The following GIGYF2 variants were observed in gnomAD, a reference collection of about 807,000 sequenced individuals.
The protein encoded by GIGYF2 is GRB10 interacting GYF protein 2.
In GIGYF2, 25 loss-of-function variants were observed where a neutral mutation model predicts 208.1. The ratio of observed to expected loss-of-function variants is 0.12; its 90% CI spans 0.09 to 0.17. The LOEUF (loss-of-function observed/expected upper bound fraction) is 0.17, where lower values mean the gene tolerates loss of function less well. Ranked by LOEUF, GIGYF2 falls within the 10% of genes least tolerant of loss-of-function variation. The pLI, the probability that GIGYF2 is intolerant of heterozygous loss-of-function variation, is 1.00. For synonymous variants in GIGYF2, 534 were observed against 543.8 expected (o/e 0.98, Z 0.25); for missense variants, 1,302 against 1,579.4 (o/e 0.82, Z 2.98).
In GIGYF2 at chr2:232,794,610, G is replaced by A. The variant is rs987111651; in HGVS notation, c.1283-138G>A. ...GGAAGGAATATTACGTTTCTCCATA[G>A]AAGTAGCTTCACTGTTCATGACAGG... On this transcript the variant is annotated intron_variant, in intron 12 of 28. Transcript: ENST00000373563. 4.5e-5 allele frequency: 33 copies of A among 737,856 alleles called. No individual in the cohort carries two copies. In the African/African-American group the frequency reaches 5.2e-4, roughly 12 times the overall value. The allele number at this position is 737,856 out of a possible 1,614,324, so 45.7% of individuals were successfully genotyped here.
chr2:232,795,051 C>A, intron 13 of GIGYF2, 107 bp downstream of exon 13: 3 of 805,934 alleles, frequency 3.7e-6, no homozygotes, highest in South Asian at 2.7e-5. Flanking sequence ...ATTTTAAGTA[C>A]TGGAAAAACT....
intron 8 of GIGYF2, among the ~76,000 whole-genome samples, chr2:232,773,866 G>A (rs576730305): frequency 7.1e-6 from 1 of 140,890 alleles, no homozygotes; most frequent in Non-Finnish European, 1.5e-5. Context: ...GAGTCCAGGA[G>A]TTAGAGACCA....
At chr2:232,737,799 G>A (rs1197435911) in intron 3 of GIGYF2, among the ~76,000 whole-genome samples, 1 of 151,886 alleles carries the variant, frequency 6.6e-6, no homozygotes, top group Non-Finnish European at 1.5e-5. Flanking sequence ...TGTTCAATAA[G>A]GGATACTTAA....
At chr2:232,797,409 C>T (rs1229427921) in intron 14 of GIGYF2, among the ~76,000 whole-genome samples, 1 of 151,628 alleles carries the variant, frequency 6.6e-6, no homozygotes, top group Admixed American at 6.6e-5. Flanking sequence ...GCCTATTCTC[C>T]TTCACAGCAT....
At chr2:232,744,942 G>C (rs1698094751) in intron 3 of GIGYF2, among the ~76,000 whole-genome samples, 1 of 152,080 alleles carries the variant, frequency 6.6e-6, no homozygotes, top group Non-Finnish European at 1.5e-5. Flanking sequence ...TGTTATGTTT[G>C]GGTTGTTGTG....
At chr2:232,819,266 C>T (rs557923451) in intron 20 of GIGYF2, among the ~76,000 whole-genome samples, 44 of 152,248 alleles carry the variant, frequency 2.9e-4, no homozygotes, top group African/African-American at 8.2e-4. Context: ...ATGTTTAGTT[C>T]TGTGTTGCGC....
chr2:232,715,024 A>G (rs928551134), intron 2 of GIGYF2, among the ~76,000 whole-genome samples: 2 of 152,166 alleles, frequency 1.3e-5, no homozygotes, highest in African/African-American at 4.8e-5. Context: ...TTTAAGTGAG[A>G]ACATGCGGTA....
At chr2:232,710,550 T>C (rs748425958) in intron 2 of GIGYF2, among the ~76,000 whole-genome samples, 1 of 152,228 alleles carries the variant, frequency 6.6e-6, no homozygotes, top group Non-Finnish European at 1.5e-5. Context: ...CTTCATAGGC[T>C]TTACAGCCCA....
intron 27 of GIGYF2, among the ~76,000 whole-genome samples, chr2:232,847,822 C>T (rs1702073145): frequency 6.6e-6 from 1 of 152,170 alleles, no homozygotes; most frequent in Non-Finnish European, 1.5e-5. Flanking sequence ...GTATTTGTGT[C>T]ATAGTTAGAT....
intron 2 of GIGYF2, among the ~76,000 whole-genome samples, chr2:232,727,503 G>A (rs1291116220): frequency 2.6e-5 from 4 of 152,198 alleles, no homozygotes; most frequent in Non-Finnish European, 5.9e-5. Context: ...TCAGGAAATG[G>A]GAATAGCGGG....
intron 2 of GIGYF2, among the ~76,000 whole-genome samples, chr2:232,706,805 A>AC (rs1323560859): frequency 1.3e-5 from 2 of 151,862 alleles, no homozygotes; most frequent in Non-Finnish European, 2.9e-5. Context: ...AAATAAAAAT[A>AC]AATAATTAGC....
chr2:232,809,028 T>C (rs1700646259), intron 15 of GIGYF2, among the ~76,000 whole-genome samples: 1 of 152,222 alleles, frequency 6.6e-6, no homozygotes, highest in Non-Finnish European at 1.5e-5. Context: ...CACTGCAACC[T>C]CTGCCTCCCA....
chr2:232,797,078 C>CT, intron 14 of GIGYF2, among the ~76,000 whole-genome samples: 1 of 78,212 alleles, frequency 1.3e-5, no homozygotes, highest in Admixed American at 1.2e-4. Flanking sequence ...AGGACCTTGA[C>CT]TGTTTTTTTT....
chr2:232,812,357 A>G (rs772707238), intron 17 of GIGYF2, 34 bp from the exon 18 acceptor site: 9 of 882,118 alleles, frequency 1.0e-5, no homozygotes, highest in Non-Finnish European at 1.7e-5. Context: ...TGCAAATGAC[A>G]AGAACAAGTT....
chr2:232,810,686 G>A (rs1422759725), intron 16 of GIGYF2: 1 of 158,822 alleles, frequency 6.3e-6, no homozygotes, highest in Non-Finnish European at 1.4e-5. Flanking sequence ...TGGCAGAATT[G>A]AGTAGTTGCA....
At chr2:232,715,531 C>T (rs910502979) in intron 2 of GIGYF2, among the ~76,000 whole-genome samples, 6 of 150,886 alleles carry the variant, frequency 4.0e-5, no homozygotes, top group Non-Finnish European at 5.9e-5. Context: ...GTATAGTGTA[C>T]GGGCCAGGTA....
intron 8 of GIGYF2, among the ~76,000 whole-genome samples, chr2:232,774,663 CTGT>C (rs1699436760): frequency 6.6e-6 from 1 of 152,194 alleles, no homozygotes; most frequent in African/African-American, 2.4e-5. Flanking sequence ...TCATTCTCCA[CTGT>C]TGTTGCTTCC....
intron 14 of GIGYF2, among the ~76,000 whole-genome samples, chr2:232,797,732 A>G (rs541069662): frequency 6.6e-6 from 1 of 152,190 alleles, no homozygotes; most frequent in East Asian, 1.9e-4. Context: ...CTGTAATCCC[A>G]GCATTTGGAA....
intron 13 of GIGYF2, among the ~76,000 whole-genome samples, chr2:232,795,770 T>G (rs572494982): frequency 1.3e-5 from 2 of 152,282 alleles, no homozygotes; most frequent in East Asian, 3.9e-4. Context: ...AGTGTTGATT[T>G]GAACCCTGGG....
Sources: allele counts gnomAD v4.1 joint callset (sites outside exome capture counted in the v4.1 genomes callset), GRCh38; gene constraint gnomAD v4.1.1; transcripts MANE v1.5; gene names NCBI Gene and HGNC (gene_info 2026-07-23, HGNC 2026-07-21).